CHST15: variants seen among roughly 807,000 people sequenced by gnomAD.
The protein encoded by CHST15 is carbohydrate sulfotransferase 15.
Under a neutral mutation model 53.6 loss-of-function variants are expected in CHST15, and 30 were observed. The observed-to-expected ratio is 0.56, with a 90% confidence interval of 0.42 to 0.76. The LOEUF is 0.76. Ranked by LOEUF, CHST15 falls within the 30% of genes least tolerant of loss-of-function variation. The pLI is 0.00. For missense variants in CHST15, 627 were observed against 740.5 expected, an observed-to-expected ratio of 0.85 and a Z score of 1.78; for synonymous variants, 296 against 289.8, an observed-to-expected ratio of 1.02 and a Z score of -0.22.
chr10:124,087,237 C>T (rs1238489211), intron 1 of CHST15, among the ~76,000 whole-genome samples: 1 of 152,154 alleles, frequency 6.6e-6, no homozygotes, highest in Non-Finnish European at 1.5e-5. Flanking sequence ...TACAGGGACA[C>T]AGAAAAGCAA....
At chr10:124,087,799 T>A (rs541948332) in intron 1 of CHST15, among the ~76,000 whole-genome samples, 1 of 148,554 alleles carries the variant, frequency 6.7e-6, no homozygotes, top group South Asian at 2.3e-4. Flanking sequence ...CCAGCACAGT[T>A]CCACCTAGAG....
chr10:124,023,696 C>T (rs1331974983), intron 5 of CHST15, among the ~76,000 whole-genome samples: 5 of 152,110 alleles, frequency 3.3e-5, no homozygotes, highest in Non-Finnish European at 7.3e-5. Context: ...CGTGGCTCCA[C>T]AGGGTCACAC....
intron 5 of CHST15, among the ~76,000 whole-genome samples, chr10:124,030,308 G>A (rs181162098): frequency 1.2e-4 from 19 of 152,266 alleles, no homozygotes; most frequent in Admixed American, 6.5e-4. Context: ...ACCTCGTGCC[G>A]CTTCCAGGGC....
At chr10:124,052,559 C>T (rs1303319890) in intron 1 of CHST15, among the ~76,000 whole-genome samples, 2 of 152,198 alleles carry the variant, frequency 1.3e-5, no homozygotes, top group African/African-American at 2.4e-5. Context: ...CAACAGATCA[C>T]GTACAGCACT....
chr10:124,030,303 G>A (rs189551268), intron 5 of CHST15, among the ~76,000 whole-genome samples: 4 of 152,242 alleles, frequency 2.6e-5, no homozygotes, highest in Admixed American at 2.0e-4. Context: ...AAGTGACCTC[G>A]TGCCGCTTCC....
At chr10:124,065,347 C>T (rs1292751478) in intron 1 of CHST15, among the ~76,000 whole-genome samples, 1 of 152,180 alleles carries the variant, frequency 6.6e-6, no homozygotes, top group Non-Finnish European at 1.5e-5. Flanking sequence ...ATGCCACTTA[C>T]ACTGCAGCCT....
In CHST15 at chr10:124,046,255, G is replaced by A; in HGVS notation, c.-43C>T. 6.5e-7 allele frequency: 1 copy of A among 1,534,254 alleles called. No individual in the cohort carries two copies. Among genetic ancestry groups the A allele is most frequent in the Middle Eastern group, 2.4e-4 (1 of 4,246 alleles). On this transcript the variant is annotated 5_prime_UTR_variant, in exon 2 of 8. Coordinates refer to ENST00000435907, the MANE Select transcript of CHST15 (RefSeq NM_001270764.2). ...GGGCTGCTGGCTTACCGAGCCATGG[G>A]TGGGCCCCCCACGAGTCTGGATGTC...
At chr10:124,051,006 C>T (rs1268553567) in intron 1 of CHST15, among the ~76,000 whole-genome samples, 1 of 152,128 alleles carries the variant, frequency 6.6e-6, no homozygotes, top group Non-Finnish European at 1.5e-5. Context: ...TGTAGCAGCA[C>T]GATCTTGGCT....
chr10:124,008,058 A>T lies in CHST15; in HGVS notation c.*2091T>A, dbSNP rs1946318563. The T allele has an allele frequency of 1.6e-6, 2 of 1,232,038 alleles. No homozygotes were observed. The highest frequency in any genetic ancestry group is 4.2e-5 in the Admixed American group (1 of 23,698). 76.3% of individuals were successfully genotyped at this position (1,232,038 alleles called of 1,614,324 possible). On this transcript the variant is annotated 3_prime_UTR_variant, in exon 8 of 8. Coordinates refer to ENST00000435907, the MANE Select transcript of CHST15 (RefSeq NM_001270764.2). ...GCACAGAAGGGATGGGACTGCATAT[A>T]TAAAAAAGATCCGCATAATAAACCA... is the stretch of plus-strand genomic sequence containing the variant.
In CHST15 at chr10:124,045,901, CT is replaced by C. The variant is rs763285398; in HGVS notation, c.311del (p.Glu104GlyfsTer3). 6.2e-7 allele frequency: 1 copy of C among 1,613,996 alleles called. No homozygotes were observed. The highest frequency in any genetic ancestry group is 1.7e-5 in the Admixed American group (1 of 59,996). ...AATGGAAAGGTGATGAGATCAGAAGCTCTTGGTGGGCCCCAGAAAGGATGTA... is the reference window on the plus strand; with the variant it reads ...AATGGAAAGGTGATGAGATCAGAAGCCTTGGTGGGCCCCAGAAAGGATGTA... ...ASYILSGAHQELLISSPFHYG... is the reference protein window; with the variant it reads ...ASYILSGAHQXLLISSPFHYG... On this transcript the variant is annotated frameshift_variant, in exon 2 of 8. Coordinates refer to ENST00000435907, the MANE Select transcript of CHST15 (RefSeq NM_001270764.2). LOFTEE classifies it high-confidence loss of function.
At chr10:124,010,457 A>G (rs1350210715) in intron 7 of CHST15, 118 bp from the exon 8 acceptor site, 1 of 1,406,830 alleles carries the variant, frequency 7.1e-7, no homozygotes, top group African/African-American at 1.5e-5. Context: ...AAGAGAACAT[A>G]TTTAGGGATT....
At chr10:124,042,579 A>C (rs555790756) in intron 3 of CHST15, 132 bp from the exon 4 acceptor site, 2 of 1,017,586 alleles carry the variant, frequency 2.0e-6, no homozygotes, top group African/African-American at 1.6e-5. Context: ...GGCTCAGCCC[A>C]GGTAAGCTTC....
At chr10:124,047,479 T>C (rs1029860648) in intron 1 of CHST15, among the ~76,000 whole-genome samples, 1 of 152,186 alleles carries the variant, frequency 6.6e-6, no homozygotes, top group Non-Finnish European at 1.5e-5. Context: ...ATTAATAGAA[T>C]CCTGTGGTTA....
At chr10:124,056,109 C>T (rs974030716) in intron 1 of CHST15, among the ~76,000 whole-genome samples, 1 of 152,202 alleles carries the variant, frequency 6.6e-6, no homozygotes, top group African/African-American at 2.4e-5. Flanking sequence ...GCCTCAGGAG[C>T]CTGACACTCA....
intron 1 of CHST15, among the ~76,000 whole-genome samples, chr10:124,067,459 G>A (rs1356919948): frequency 6.6e-6 from 1 of 152,176 alleles, no homozygotes; most frequent in Non-Finnish European, 1.5e-5. Context: ...CCCAGATAAG[G>A]ACCAGGAGCA....
At position 124,009,883 on chromosome 10, in the gene CHST15, C is replaced by T; in HGVS notation, c.*266G>A. 7.9e-7 allele frequency: 1 copy of T among 1,268,092 alleles called. No homozygotes were observed. The highest frequency in any genetic ancestry group is 1.0e-6 in the Non-Finnish European group (1 of 1,000,568). The allele number at this position is 1,268,092 out of a possible 1,614,324, so 78.6% of individuals were successfully genotyped here. ...CAGGCCAGCTGGCTGCATCCCCAAG[C>T]TCCAGGACGCTCAGAGCAGAGCTGA... On this transcript the variant is annotated 3_prime_UTR_variant, in exon 8 of 8. Coordinates refer to ENST00000435907, the MANE Select transcript of CHST15 (RefSeq NM_001270764.2).
At position 124,011,002 on chromosome 10, in the gene CHST15, C is replaced by T. The variant is rs905298606; in HGVS notation, c.1496-663G>A. On this transcript the variant is annotated intron_variant, in intron 7 of 7. Transcript: ENST00000435907. ...GAGTGAGGCGAGGCCCTGGAACAGG[C>T]TGGCAGAGGTTGTCAGTCACCGCCA... The T allele has an allele frequency of 1.2e-5, 12 of 983,866 alleles. No homozygotes were observed. The African/African-American group carries it at 1.6e-4, about 13-fold the overall frequency. The allele number at this position is 983,866 out of a possible 1,614,324, so 60.9% of individuals were successfully genotyped here.
intron 5 of CHST15, 87 bp downstream of exon 5, chr10:124,038,428 A>G (rs1307049119): frequency 9.3e-6 from 14 of 1,498,668 alleles, no homozygotes; most frequent in Middle Eastern, 3.5e-4. Flanking sequence ...TCTAAAGGAG[A>G]CAAAATCTTA....
intron 4 of CHST15, among the ~76,000 whole-genome samples, chr10:124,040,421 C>T (rs1465073931): frequency 6.6e-6 from 1 of 152,170 alleles, no homozygotes; most frequent in African/African-American, 2.4e-5. Context: ...GGAGTAGAGG[C>T]AGGAGACTTT....
Sources: gnomAD v4.1 joint callset for allele counts (sites outside exome capture counted in the v4.1 genomes callset) on GRCh38, gnomAD v4.1.1 for gene constraint, MANE v1.5 for transcripts, NCBI Gene and HGNC (gene_info 2026-07-23, HGNC 2026-07-21) for gene names.